Variants in DSCAM observed in about 807,000 individuals in gnomAD.
The protein encoded by DSCAM is cell adhesion molecule DSCAM.
DSCAM carries 47 observed loss-of-function variants against 217.7 expected under a neutral mutation model. That is an observed-to-expected ratio of 0.22 (90% CI 0.17 to 0.28). The LOEUF (loss-of-function observed/expected upper bound fraction) is 0.28. Ranked by LOEUF, DSCAM falls within the 10% of genes least tolerant of loss-of-function variation. The probability of loss-of-function intolerance (pLI) is 1.00; values close to 1 mark genes in which losing one functional copy is unlikely to be tolerated. For synonymous variants in DSCAM, 1,056 were observed against 1,015.3 expected, an observed-to-expected ratio of 1.04 and a Z score of -0.76; for missense variants, 2,080 against 2,618.3, an observed-to-expected ratio of 0.79 and a Z score of 4.49.
intron 11 of DSCAM, among the ~76,000 whole-genome samples, chr21:40,244,279 C>T (rs1450001988): frequency 4.6e-5 from 7 of 151,960 alleles, no homozygotes; most frequent in Non-Finnish European, 1.0e-4. Context: ...GGAGAAACCC[C>T]ATCTCTACTA....
chr21:40,495,222 C>G (rs1030101615), intron 3 of DSCAM, among the ~76,000 whole-genome samples: 1 of 152,130 alleles, frequency 6.6e-6, no homozygotes, highest in Admixed American at 6.6e-5. Context: ...GCTTGCAACT[C>G]ATTTAACAAG....
intron 30 of DSCAM, among the ~76,000 whole-genome samples, chr21:40,050,048 C>T (rs540449062): frequency 1.3e-5 from 2 of 152,308 alleles, no homozygotes; most frequent in East Asian, 1.9e-4. Context: ...TGCCCTGCTG[C>T]GTTACATGCA....
intron 1 of DSCAM, among the ~76,000 whole-genome samples, chr21:40,773,752 G>A (rs1011434044): frequency 1.3e-5 from 2 of 152,218 alleles, no homozygotes; most frequent in African/African-American, 2.4e-5. Context: ...CAGTGTGGCT[G>A]TGAATTCTAG....
chr21:40,518,891 C>G (rs764167929), intron 3 of DSCAM, among the ~76,000 whole-genome samples: 2 of 151,938 alleles, frequency 1.3e-5, no homozygotes, highest in African/African-American at 2.4e-5. Flanking sequence ...GCATAACCTA[C>G]TACACACCTA....
At chr21:40,133,737 G>A in intron 19 of DSCAM, 117 bp downstream of exon 19, 2 of 1,245,540 alleles carry the variant, frequency 1.6e-6, no homozygotes, top group East Asian at 5.4e-5. Flanking sequence ...ATTTTGGGAG[G>A]GCAGCAAAGG....
rs957329111 is a variant in DSCAM, at chr21:40,620,046, GAA to G, written c.508+72762_508+72763del. Reference sequence around the variant, plus strand: ...AAAGAAAGAGAGAGAGAAAGAGAGAGAAAAAAGAAAAAGAAAGAAAGAGAGAA... The same window carrying G: ...AAAGAAAGAGAGAGAGAAAGAGAGAGAAAAGAAAAAGAAAGAAAGAGAGAA... On this transcript the variant is annotated intron_variant, in intron 3 of 32. Coordinates refer to ENST00000400454, the MANE Select transcript of DSCAM (RefSeq NM_001389.5). 7.0e-4 allele frequency among the ~76,000 whole-genome samples: 45 copies of G among 63,864 alleles called. 3 individuals are homozygous for G. The highest frequency in any genetic ancestry group is 8.8e-4 in the Non-Finnish European group (28 of 31,872). The allele number at this position is 63,864 out of a possible 152,430, so 41.9% of individuals were successfully genotyped here. A position where few individuals can be genotyped will look rare whatever the true frequency, so the allele number is the denominator to read the frequency against.
chr21:40,457,595 C>A (rs1380698662), intron 3 of DSCAM, among the ~76,000 whole-genome samples: 1 of 151,856 alleles, frequency 6.6e-6, no homozygotes, highest in Non-Finnish European at 1.5e-5. Context: ...ACAGAGTTAG[C>A]CATTATAAAA....
chr21:40,698,490 G>A (rs1254964435), intron 2 of DSCAM, among the ~76,000 whole-genome samples: 1 of 152,176 alleles, frequency 6.6e-6, no homozygotes, highest in Non-Finnish European at 1.5e-5. Flanking sequence ...GAGGAACTGG[G>A]GGAGGGACTT....
At position 40,830,260 on chromosome 21, in the gene DSCAM, A is replaced by C. The variant is rs144695448; in HGVS notation, c.43+16359T>G. 4.6e-3 allele frequency among the ~76,000 whole-genome samples: 693 copies of C among 152,286 alleles called. 9 individuals carry two copies. The highest frequency in any genetic ancestry group is 0.016 in the African/African-American group (664 of 41,570). On this transcript the variant is annotated intron_variant, in intron 1 of 32. Coordinates refer to ENST00000400454, the MANE Select transcript of DSCAM (RefSeq NM_001389.5). ...AGGTCATAGGGTGAAAGCAGGAACA[A>C]GAGAGACAGGGAGTAGGTGGGGGAG...
chr21:40,236,683 T>C (rs565391099), intron 11 of DSCAM, among the ~76,000 whole-genome samples: 54 of 152,112 alleles, frequency 3.6e-4, no homozygotes, highest in African/African-American at 1.2e-3. Flanking sequence ...TAAAATGAGG[T>C]TAATAATAGT....
chr21:40,180,860 T>A (rs999673564), intron 14 of DSCAM, among the ~76,000 whole-genome samples: 1 of 151,058 alleles, frequency 6.6e-6, no homozygotes, highest in African/African-American at 2.4e-5. Context: ...TGGACCTGGG[T>A]AGGGTGGGGA....
At chr21:40,550,848 G>A (rs1010926981) in intron 3 of DSCAM, among the ~76,000 whole-genome samples, 10 of 152,174 alleles carry the variant, frequency 6.6e-5, no homozygotes, top group African/African-American at 2.4e-4. Flanking sequence ...AGGGACGAGA[G>A]GCACAGAAAC....
chr21:40,315,501 T>G (rs2074186714), intron 8 of DSCAM, among the ~76,000 whole-genome samples: 1 of 151,684 alleles, frequency 6.6e-6, no homozygotes, highest in Non-Finnish European at 1.5e-5. Flanking sequence ...ATACAGGAAA[T>G]ATATGCACAT....
chr21:40,739,492 G>T (rs144831846), intron 1 of DSCAM, among the ~76,000 whole-genome samples: 74 of 152,254 alleles, frequency 4.9e-4, no homozygotes, highest in Middle Eastern at 3.4e-3. Context: ...CTCTTCCTGG[G>T]GCCTCTCTCT....
intron 3 of DSCAM, among the ~76,000 whole-genome samples, chr21:40,602,093 C>T (rs1364925723): frequency 1.5e-5 from 2 of 129,196 alleles, no homozygotes; most frequent in Admixed American, 8.1e-5. Context: ...TTGGGTCTCA[C>T]TCTGTCACTT....
At chr21:40,287,822 T>A (rs2073846345) in intron 10 of DSCAM, among the ~76,000 whole-genome samples, 1 of 152,044 alleles carries the variant, frequency 6.6e-6, no homozygotes. Flanking sequence ...CTCCAGCAGC[T>A]TGTCTGGGTG....
chr21:40,335,811 C>T (rs2123578119), intron 8 of DSCAM, among the ~76,000 whole-genome samples: 1 of 152,258 alleles, frequency 6.6e-6, no homozygotes, highest in South Asian at 2.1e-4. Flanking sequence ...AAATCGTTTT[C>T]ATGACAATGC....
rs1169039069 is a variant in DSCAM, at chr21:40,546,466, G to A, written c.508+146344C>T. ...GCCACTTCCCTGCCTTTTGACCTTA[G>A]GCAAATCATGTAGACTTCTCTGAGC... On this transcript the variant is annotated intron_variant, in intron 3 of 32. Transcript: ENST00000400454. Among the ~76,000 whole-genome samples the A allele has an allele frequency of 2.0e-5, 3 of 152,312 alleles. No homozygotes were observed. The East Asian group carries it at 5.8e-4, about 29-fold the overall frequency.
rs560033084 is a variant in DSCAM, at chr21:40,765,264, T to C, written c.44-56493A>G. Among the ~76,000 whole-genome samples, 11 of 152,338 alleles carry C rather than the reference T, an allele frequency of 7.2e-5. No homozygotes were observed. The South Asian group carries it at 2.3e-3, about 32-fold the overall frequency. ...CTGAGGTCTCTGGCTCCTTCTTCCA[T>C]GCCCAATTCCTTGCGCAGAGCAACT... On this transcript the variant is annotated intron_variant, in intron 1 of 32. Transcript: ENST00000400454.
Sources: gnomAD v4.1 joint callset for allele counts (sites outside exome capture counted in the v4.1 genomes callset) on GRCh38, gnomAD v4.1.1 for gene constraint, MANE v1.5 for transcripts, NCBI Gene and HGNC (gene_info 2026-07-23, HGNC 2026-07-21) for gene names.